Variants in EVI5 observed in about 807,000 individuals in gnomAD.
EVI5 encodes ecotropic viral integration site 5.
Under a neutral mutation model 112.0 loss-of-function variants are expected in EVI5, and 73 were observed. That is an observed-to-expected ratio of 0.65 (90% CI 0.54 to 0.79). EVI5 has a LOEUF of 0.79. EVI5 is among the 30% of genes least tolerant of loss of function. The pLI is 0.00. For synonymous variants in EVI5, 305 were observed against 319.9 expected, an observed-to-expected ratio of 0.95 and a Z score of 0.50; for missense variants, 900 against 968.8, an observed-to-expected ratio of 0.93 and a Z score of 0.94.
At chr1:92,607,194 T>C (rs1203048039) in intron 17 of EVI5, among the ~76,000 whole-genome samples, 1 of 152,140 alleles carries the variant, frequency 6.6e-6, no homozygotes, top group Non-Finnish European at 1.5e-5. Flanking sequence ...GTTATTAACA[T>C]TACTGCCCAC....
At chr1:92,654,145 C>T (rs1159068124) in intron 13 of EVI5, among the ~76,000 whole-genome samples, 1 of 152,090 alleles carries the variant, frequency 6.6e-6, no homozygotes, top group East Asian at 1.9e-4. Context: ...CTGTACATTC[C>T]ACAGCCCAGC....
intron 15 of EVI5, among the ~76,000 whole-genome samples, chr1:92,624,686 C>A (rs79130517): frequency 1.4e-5 from 1 of 69,480 alleles, no homozygotes; most frequent in African/African-American, 6.2e-5. Context: ...CTAGTCTCTA[C>A]TTCAAAAAAA....
intron 1 of EVI5, among the ~76,000 whole-genome samples, chr1:92,739,447 T>C (rs1015775509): frequency 2.0e-5 from 3 of 152,184 alleles, no homozygotes; most frequent in Non-Finnish European, 2.9e-5. Flanking sequence ...GGAAAAGGGA[T>C]GGAAAATGAC....
chr1:92,775,049 T>C (rs1683924450), intron 1 of EVI5, among the ~76,000 whole-genome samples: 1 of 152,230 alleles, frequency 6.6e-6, no homozygotes, highest in Non-Finnish European at 1.5e-5. Context: ...CTGATTGATA[T>C]CTTGAATTTT....
At chr1:92,768,079 C>CAAA (rs11449365) in intron 1 of EVI5, among the ~76,000 whole-genome samples, 1,429 of 134,934 alleles carry the variant, frequency 0.011, 13 homozygotes, top group Middle Eastern at 0.018. Flanking sequence ...GACCCTATCT[C>CAAA]AAAAAAAAAA....
intron 14 of EVI5, among the ~76,000 whole-genome samples, chr1:92,635,556 G>C (rs898384258): frequency 6.6e-6 from 1 of 152,128 alleles, no homozygotes; most frequent in Non-Finnish European, 1.5e-5. Flanking sequence ...CGAGTGACCC[G>C]ATTTTCCAGG....
intron 11 of EVI5, among the ~76,000 whole-genome samples, 191 bp from the exon 12 acceptor site, chr1:92,663,643 G>C (rs1664398347): frequency 6.6e-6 from 1 of 152,144 alleles, no homozygotes; most frequent in Non-Finnish European, 1.5e-5. Flanking sequence ...ATAAAAACAA[G>C]GATAGGTGGT....
intron 1 of EVI5, among the ~76,000 whole-genome samples, chr1:92,772,633 T>C (rs1177017677): frequency 1.3e-5 from 2 of 152,142 alleles, no homozygotes; most frequent in Non-Finnish European, 2.9e-5. Context: ...CTGGGTGCAG[T>C]AGCTCATGCC....
intron 18 of EVI5, among the ~76,000 whole-genome samples, chr1:92,592,359 T>C (rs1207476368): frequency 2.0e-5 from 3 of 152,236 alleles, no homozygotes; most frequent in African/African-American, 7.2e-5. Flanking sequence ...ATAAAGATGT[T>C]CTTTGAAACC....
Position 92,563,743 on chromosome 1 carries a change from T to C in EVI5, c.2071-6A>G, listed in dbSNP as rs758066230. Reference sequence around the variant, plus strand: ...TGAAGCTTTCCTTCTTCTTTCTGTTTTGTGACAAAACAACAAAGCAAAAAC... The same window carrying C: ...TGAAGCTTTCCTTCTTCTTTCTGTTCTGTGACAAAACAACAAAGCAAAAAC... On this transcript the variant is annotated splice_region_variant and splice_polypyrimidine_tract_variant and intron_variant, in intron 18 of 19. Transcript: ENST00000684568. The C allele has an allele frequency of 3.1e-6, 5 of 1,590,680 alleles. No homozygotes were observed. The East Asian group carries it at 1.1e-4, about 36-fold the overall frequency.
intron 1 of EVI5, among the ~76,000 whole-genome samples, chr1:92,738,805 T>G (rs1005152801): frequency 6.6e-6 from 1 of 152,212 alleles, no homozygotes; most frequent in Non-Finnish European, 1.5e-5. Context: ...CATCAGGTAC[T>G]ATTTTTCCTT....
intron 15 of EVI5, 79 bp downstream of exon 15, chr1:92,625,715 C>G (rs904777879): frequency 8.1e-7 from 1 of 1,238,572 alleles, no homozygotes; most frequent in African/African-American, 1.5e-5. Context: ...TATAGGTCAT[C>G]AGGTACTTCA....
upstream of EVI5, among the ~76,000 whole-genome samples, chr1:92,787,622 T>C (rs540122138): frequency 6.6e-6 from 1 of 152,094 alleles, no homozygotes; most frequent in East Asian, 1.9e-4. Flanking sequence ...GCACCTGTAG[T>C]CCTGCTACTT....
At chr1:92,629,620 T>C (rs886069055) in intron 14 of EVI5, among the ~76,000 whole-genome samples, 1 of 152,220 alleles carries the variant, frequency 6.6e-6, no homozygotes, top group Non-Finnish European at 1.5e-5. Context: ...TGTTCTAGAT[T>C]GGACAGTTCT....
chr1:92,776,033 G>A (rs1049897309), intron 1 of EVI5, among the ~76,000 whole-genome samples: 11 of 151,538 alleles, frequency 7.3e-5, no homozygotes, highest in Admixed American at 1.3e-4. Flanking sequence ...GCGTGAACCC[G>A]GGAGGCGGAG....
At chr1:92,741,008 A>G (rs1048338543) in intron 1 of EVI5, among the ~76,000 whole-genome samples, 17 of 152,204 alleles carry the variant, frequency 1.1e-4, no homozygotes, top group African/African-American at 4.1e-4. Context: ...AGAGGTTTGG[A>G]AACAAAGTTT....
intron 13 of EVI5, among the ~76,000 whole-genome samples, chr1:92,639,437 T>C (rs2101940319): frequency 6.6e-6 from 1 of 152,092 alleles, no homozygotes; most frequent in Non-Finnish European, 1.5e-5. Flanking sequence ...ATAGGAGTAA[T>C]ACAGTAAAAA....
At chr1:92,662,674 G>A in intron 13 of EVI5, 45 bp downstream of exon 13, 1 of 1,118,172 alleles carries the variant, frequency 8.9e-7, no homozygotes, top group Non-Finnish European at 1.1e-6. Flanking sequence ...TGATTGAAAG[G>A]AAGGGGGATG....
At chr1:92,647,586 AAAG>A (rs1335630266) in intron 13 of EVI5, 7 of 533,540 alleles carry the variant, frequency 1.3e-5, no homozygotes, top group Admixed American at 9.0e-5. Flanking sequence ...ATGTCTGCAC[AAAG>A]AAGGAATAAG....
Sources: gnomAD v4.1 joint callset for allele counts (sites outside exome capture counted in the v4.1 genomes callset) on GRCh38, gnomAD v4.1.1 for gene constraint, MANE v1.5 for transcripts, NCBI Gene and HGNC (gene_info 2026-07-23, HGNC 2026-07-21) for gene names.